Variants in C1orf105 observed in about 807,000 individuals in gnomAD.
C1orf105 encodes uncharacterized protein C1orf105.
C1orf105 carries 17 observed loss-of-function variants against 20.8 expected under a neutral mutation model. The observed-to-expected ratio is 0.82, with a 90% CI of 0.56 to 1.23. C1orf105 has a LOEUF of 1.23. Among genes scored for constraint, C1orf105 ranks in the 50% most tolerant of loss-of-function variants. The pLI, the probability that C1orf105 is intolerant of heterozygous loss-of-function variation, is 0.00. For missense variants in C1orf105, 219 were observed against 213.5 expected, an observed-to-expected ratio of 1.03 and a Z score of -0.16; for synonymous variants, 72 against 72.1, an observed-to-expected ratio of 1.00 and a Z score of 0.01.
At chr1:172,466,573 TACACACACACAC>T (rs3980398) in intron 6 of C1orf105, among the ~76,000 whole-genome samples, 243 of 147,300 alleles carry the variant, frequency 1.6e-3, no homozygotes, top group African/African-American at 4.4e-3. Flanking sequence ...ATGAATCACA[TACACACACACAC>T]ACACACACAC....
chr1:172,441,166 C>A (rs1291620684), intron 1 of C1orf105, among the ~76,000 whole-genome samples: 2 of 152,226 alleles, frequency 1.3e-5, no homozygotes, highest in Non-Finnish European at 2.9e-5. Flanking sequence ...ACACATCACA[C>A]TCTGCTTTGC....
At chr1:172,441,906 G>A (rs368791739) in intron 1 of C1orf105, 28 of 1,614,002 alleles carry the variant, frequency 1.7e-5, no homozygotes, top group South Asian at 9.9e-5. Context: ...GGCCTCCCAC[G>A]GCTGAAAATG....
intron 4 of C1orf105, among the ~76,000 whole-genome samples, chr1:172,459,074 T>C (rs1649511364): frequency 6.6e-6 from 1 of 152,160 alleles, no homozygotes; most frequent in African/African-American, 2.4e-5. Context: ...ATGTAAGACC[T>C]AAAACCATAA....
chr1:172,455,866 A>G (rs2149185437), intron 3 of C1orf105, among the ~76,000 whole-genome samples: 1 of 152,252 alleles, frequency 6.6e-6, no homozygotes, highest in Middle Eastern at 3.4e-3. Context: ...ATGGTGCTGG[A>G]CCATGGATGC....
At chr1:172,449,015 C>T (rs1648313793) in intron 3 of C1orf105, among the ~76,000 whole-genome samples, 2 of 152,162 alleles carry the variant, frequency 1.3e-5, no homozygotes, top group African/African-American at 4.8e-5. Context: ...CTTGGGTAGT[C>T]AGAACCTCCC....
At chr1:172,430,030 G>A (rs894436624) in intron 1 of C1orf105, among the ~76,000 whole-genome samples, 2 of 151,982 alleles carry the variant, frequency 1.3e-5, no homozygotes, top group Non-Finnish European at 2.9e-5. Flanking sequence ...GGGTGTAGAG[G>A]GAGAAGGGCA....
intron 3 of C1orf105, chr1:172,452,699 T>G (rs1648788140): frequency 1.3e-6 from 1 of 799,534 alleles, no homozygotes; most frequent in Non-Finnish European, 1.5e-6. Flanking sequence ...TTGTCAAATG[T>G]GTTTTTGGCT....
chr1:172,445,943 CAA>C (rs1279727839), intron 2 of C1orf105, among the ~76,000 whole-genome samples: 3 of 152,250 alleles, frequency 2.0e-5, no homozygotes, highest in Admixed American at 6.5e-5. Flanking sequence ...CCAGACTCCC[CAA>C]AAAGAGTTTC....
At position 172,459,352 on chromosome 1, in the gene C1orf105, G is replaced by T. The variant is rs537859567; in HGVS notation, c.274-2826G>T. On this transcript the variant is annotated intron_variant, in intron 4 of 6. Coordinates refer to ENST00000367727, the MANE Select transcript of C1orf105 (RefSeq NM_139240.4). ...ACACTTAAAACTCAACAATAAAAAG[G>T]CAAACACTCTAGTTGAAAAGTGAGC... 2.6e-5 allele frequency among the ~76,000 whole-genome samples: 4 copies of T among 152,140 alleles called. No individual in the cohort carries two copies. In the South Asian group the frequency reaches 8.3e-4, roughly 32 times the overall value.
intron 1 of C1orf105, among the ~76,000 whole-genome samples, chr1:172,432,176 A>C (rs973788251): frequency 1.3e-5 from 2 of 152,208 alleles, no homozygotes; most frequent in Non-Finnish European, 2.9e-5. Context: ...AGCTGAACAA[A>C]AGTGAGCAGA....
intron 2 of C1orf105, among the ~76,000 whole-genome samples, chr1:172,445,385 T>G (rs970643281): frequency 6.6e-6 from 1 of 152,158 alleles, no homozygotes; most frequent in Non-Finnish European, 1.5e-5. Context: ...TCTCCACCAC[T>G]ACCACTCAAC....
chr1:172,446,339 T>C (rs995149303), intron 2 of C1orf105, among the ~76,000 whole-genome samples: 9 of 152,168 alleles, frequency 5.9e-5, no homozygotes, highest in South Asian at 2.1e-4. Flanking sequence ...CATATTTTAA[T>C]TGAGGGTGGG....
chr1:172,468,531 A>G lies in C1orf105; in HGVS notation c.489A>G (p.Leu163=). The change falls in exon 7 of 7, where the codon CTA becomes CTG. Residue 163 remains leucine, a synonymous_variant. Coordinates refer to ENST00000367727, the MANE Select transcript of C1orf105 (RefSeq NM_139240.4). ...TACTGACAGAGGCCTACAAAACTCT[A>G]AAAGAGAGACAACGTTCTTCCTTGC... ...HGLLTEAYKT[L]KERQRSSLPR... is the part of the protein sequence containing the mutation. The G allele has an allele frequency of 6.2e-7, 1 of 1,614,046 alleles. No individual in the cohort carries two copies.
At chr1:172,456,588 T>C in intron 4 of C1orf105, 99 bp downstream of exon 4, 1 of 1,162,728 alleles carries the variant, frequency 8.6e-7, no homozygotes, top group Non-Finnish European at 1.3e-6. Flanking sequence ...ACGGGGCCCG[T>C]TGCAAGGAGG....
At chr1:172,447,711 T>G (rs1287997733) in intron 2 of C1orf105, among the ~76,000 whole-genome samples, 1 of 152,234 alleles carries the variant, frequency 6.6e-6, no homozygotes, top group African/African-American at 2.4e-5. Flanking sequence ...CAATGGACAA[T>G]GAAATCTTCC....
chr1:172,464,230 T>C (rs1312003392), intron 5 of C1orf105, among the ~76,000 whole-genome samples: 1 of 152,244 alleles, frequency 6.6e-6, no homozygotes, highest in Non-Finnish European at 1.5e-5. Context: ...GTCCTGAACA[T>C]ACCATCTGCC....
intron 4 of C1orf105, among the ~76,000 whole-genome samples, chr1:172,459,834 G>A (rs752967105): frequency 2.6e-5 from 4 of 152,178 alleles, no homozygotes; most frequent in Non-Finnish European, 5.9e-5. Context: ...TAAACAAAAC[G>A]TTGTCTATCT....
intron 1 of C1orf105, among the ~76,000 whole-genome samples, chr1:172,429,167 C>G (rs1399794374): frequency 1.3e-5 from 2 of 152,094 alleles, no homozygotes; most frequent in Non-Finnish European, 2.9e-5. Flanking sequence ...TCAGTCTCAA[C>G]TGTGAAATGG....
At chr1:172,456,741 G>A (rs375485638) in intron 4 of C1orf105, among the ~76,000 whole-genome samples, 9 of 152,168 alleles carry the variant, frequency 5.9e-5, no homozygotes, top group African/African-American at 1.4e-4. Flanking sequence ...GAGACACTTC[G>A]CCTTGGGCTC....
Sources: allele counts gnomAD v4.1 joint callset (sites outside exome capture counted in the v4.1 genomes callset), GRCh38; gene constraint gnomAD v4.1.1; transcripts MANE v1.5; gene names NCBI Gene and HGNC (gene_info 2026-07-23, HGNC 2026-07-21).